The following EP400 variants were observed in gnomAD, a reference collection of about 807,000 sequenced individuals.
EP400 encodes E1A-binding protein p400.
Under a neutral mutation model 354.1 loss-of-function variants are expected in EP400, and 105 were observed. That is an observed-to-expected ratio of 0.30 (90% CI 0.25 to 0.35). EP400 has a LOEUF of 0.35. EP400 is among the 10% of genes least tolerant of loss of function. The pLI, the probability that EP400 is intolerant of heterozygous loss-of-function variation, is 1.00. For synonymous variants in EP400, 1,646 were observed against 1,716.9 expected, an observed-to-expected ratio of 0.96 and a Z score of 1.02; for missense variants, 3,280 against 4,121.0, an observed-to-expected ratio of 0.80 and a Z score of 5.59.
At position 132,013,702 on chromosome 12, in the gene EP400, CATGCGT is replaced by C. The variant is rs1893835081; in HGVS notation, c.3786+43_3786+48del. 1.9e-6 allele frequency: 3 copies of C among 1,604,274 alleles called. No homozygotes were observed. In the Admixed American group the frequency reaches 5.1e-5, roughly 27 times the overall value. On this transcript the variant is annotated intron_variant, in intron 18 of 52. Transcript: ENST00000389561. The surrounding 1 kb of genome is among the most constrained non-coding windows in gnomAD (Gnocchi z 4.5). Reference sequence around the variant, plus strand: ...CTGCCATTTCAGTTAATTAATTAAACATGCGTATGCCTTGTTATAAACGTGTTACAG... The same window carrying C: ...CTGCCATTTCAGTTAATTAATTAAACATGCCTTGTTATAAACGTGTTACAG...
At chr12:132,058,450 G>T (rs1895587000) in intron 45 of EP400, among the ~76,000 whole-genome samples, 1 of 151,760 alleles carries the variant, frequency 6.6e-6, no homozygotes, top group South Asian at 2.1e-4. Context: ...CGCCTCCTGG[G>T]TTCAGGTTAT....
chr12:132,065,096 C>A, intron 48 of EP400: 1 of 883,134 alleles, frequency 1.1e-6, no homozygotes, highest in Non-Finnish European at 1.7e-6. Context: ...CCCATCCAGG[C>A]ATCACCAAGC....
rs1382999583 is a variant in EP400, at chr12:132,044,189, A to G, written c.6463A>G (p.Thr2155Ala). 6.2e-7 allele frequency: 1 copy of G among 1,614,204 alleles called. No homozygotes were observed. Among genetic ancestry groups the G allele is most frequent in the South Asian group, 1.1e-5 (1 of 91,088 alleles). ...CTCTCCCCGTCAGGACGCAGTGATG[A>G]CTGCAGTGAGGGCATGGGAGTTCTG... Reference protein sequence around the residue: ...KERNSEDAVMTAVRAWEFWNL... With the variant: ...KERNSEDAVMAAVRAWEFWNL... Residue 2155 changes from threonine (T) to alanine (A), a missense_variant, in exon 35 of 53, where the codon ACT becomes GCT. Coordinates refer to ENST00000389561, the MANE Select transcript of EP400 (RefSeq NM_015409.5).
At position 132,070,309 on chromosome 12, in the gene EP400, T is replaced by C. The variant is rs1896030060; in HGVS notation, c.9021+668T>C. On this transcript the variant is annotated intron_variant, in intron 51 of 52. Coordinates refer to ENST00000389561, the MANE Select transcript of EP400 (RefSeq NM_015409.5). The surrounding 1 kb of genome is among the most constrained non-coding windows in gnomAD (Gnocchi z 4.1). ...TTTGGGTCTGAGATAGAAACAGGAA[T>C]TCAATTTGATGTGCTCTATGAATAC... Among the ~76,000 whole-genome samples, 1 of 152,244 alleles carries C rather than the reference T, an allele frequency of 6.6e-6. No homozygotes were observed. Among genetic ancestry groups the C allele is most frequent in the Admixed American group, 6.5e-5 (1 of 15,282 alleles).
chr12:132,034,260 G>A (rs1894618032), intron 30 of EP400, among the ~76,000 whole-genome samples: 1 of 152,188 alleles, frequency 6.6e-6, no homozygotes, highest in African/African-American at 2.4e-5. Context: ...TCTCAGGCAT[G>A]GCCTTAGCGG....
intron 6 of EP400, among the ~76,000 whole-genome samples, chr12:131,987,212 T>G (rs1273813379): frequency 2.0e-5 from 3 of 152,220 alleles, no homozygotes; most frequent in Non-Finnish European, 4.4e-5. Context: ...GACTAAGCAT[T>G]TATTTTGTTC....
chr12:131,990,193 CT>C lies in EP400; in HGVS notation c.2550+91del. The stretch of plus-strand genomic sequence containing the variant: ...CCGAGACCAGAGCTCGGGCACCTTG[CT>C]TAGGAAGCTTTCGAGCACCAGAGTC... On this transcript the variant is annotated intron_variant, in intron 8 of 52. Transcript: ENST00000389561. The surrounding 1 kb of genome is among the most constrained non-coding windows in gnomAD (Gnocchi z 4.2). The C allele has an allele frequency of 6.7e-7, 1 of 1,482,648 alleles. No homozygotes were observed. Among genetic ancestry groups the C allele is most frequent in the Non-Finnish European group, 9.0e-7 (1 of 1,107,038 alleles). 91.8% of individuals were successfully genotyped at this position (1,482,648 alleles called of 1,614,324 possible).
intron 2 of EP400, chr12:131,963,683 T>A: frequency 6.7e-7 from 1 of 1,501,966 alleles, no homozygotes; most frequent in Non-Finnish European, 9.1e-7. Flanking sequence ...CATCCCAAAC[T>A]TTTCCTTCAT....
intron 5 of EP400, among the ~76,000 whole-genome samples, chr12:131,985,765 T>C (rs546919799): frequency 6.0e-4 from 91 of 152,216 alleles, no homozygotes; most frequent in African/African-American, 2.1e-3. Context: ...TGTGCCACCA[T>C]GCCCGGCTAA....
intron 1 of EP400, among the ~76,000 whole-genome samples, chr12:131,957,512 T>C (rs906010398): frequency 6.6e-6 from 1 of 150,656 alleles, no homozygotes; most frequent in African/African-American, 2.4e-5. Context: ...AACGTTTTGA[T>C]TTTTCTTTCT....
Position 132,013,381 on chromosome 12 carries a change from T to G in EP400, c.3612-109T>G. ...TTTTCAGGCATGTGCACGTTGACAT[T>G]TGCGGTGTCAAATTACTGTCCCTTT... On this transcript the variant is annotated intron_variant, in intron 17 of 52. Coordinates refer to ENST00000389561, the MANE Select transcript of EP400 (RefSeq NM_015409.5). This position sits in a 1 kb window ranked among gnomAD's most constrained non-coding sequence, Gnocchi z 4.5. The G allele has an allele frequency of 7.0e-7, 1 of 1,432,196 alleles. No individual in the cohort carries two copies. The highest frequency in any genetic ancestry group is 2.3e-5 in the East Asian group (1 of 43,458). The allele number at this position is 1,432,196 out of a possible 1,614,324, so 88.7% of individuals were successfully genotyped here. A position where few individuals can be genotyped will look rare whatever the true frequency, so the allele number is the denominator to read the frequency against.
chr12:132,052,498 G>T lies in EP400; in HGVS notation c.7395-648G>T, dbSNP rs368866277. ...TGCCCTCGTGAGATGTTTTCAGAGC[G>T]CACTGTTGAGAATTGCAGCCCCGCC... is the stretch of plus-strand genomic sequence containing the variant. On this transcript the variant is annotated intron_variant, in intron 41 of 52. Coordinates refer to ENST00000389561, the MANE Select transcript of EP400 (RefSeq NM_015409.5). This position sits in a 1 kb window ranked among gnomAD's most constrained non-coding sequence, Gnocchi z 4.4. Among the ~76,000 whole-genome samples the T allele has an allele frequency of 6.6e-6, 1 of 152,192 alleles. No homozygotes were observed. Among genetic ancestry groups the T allele is most frequent in the Non-Finnish European group, 1.5e-5 (1 of 68,040 alleles).
chr12:132,015,445 A>T (rs1421037422), intron 19 of EP400, among the ~76,000 whole-genome samples: 1 of 152,238 alleles, frequency 6.6e-6, no homozygotes, highest in Non-Finnish European at 1.5e-5. Flanking sequence ...TCATAACTTT[A>T]TGCAGGTTTT....
intron 4 of EP400, among the ~76,000 whole-genome samples, 185 bp from the exon 5 acceptor site, chr12:131,981,908 T>C (rs866541800): frequency 2.0e-5 from 3 of 152,200 alleles, no homozygotes; most frequent in Non-Finnish European, 2.9e-5. Flanking sequence ...TTTTGCTTGA[T>C]GCTGACTTGC....
chr12:131,956,039 C>G (rs1265882075), intron 1 of EP400, among the ~76,000 whole-genome samples: 1 of 152,208 alleles, frequency 6.6e-6, no homozygotes, highest in Admixed American at 6.6e-5. Flanking sequence ...TTTCCTCATG[C>G]ATCTCTCTAG....
Position 132,021,476 on chromosome 12 carries a change from G to A in EP400, c.4690+155G>A, listed in dbSNP as rs138455210. On this transcript the variant is annotated intron_variant, in intron 23 of 52. Coordinates refer to ENST00000389561, the MANE Select transcript of EP400 (RefSeq NM_015409.5). The stretch of plus-strand genomic sequence containing the variant: ...GCCTCTCACCAGTGCAGCTGCCTCC[G>A]GCATGAGTCTAGCAGGGAGCGCCTC... Among the ~76,000 whole-genome samples, 181 of 152,370 alleles carry A rather than the reference G, an allele frequency of 1.2e-3. 1 individual carries two copies. The highest frequency in any genetic ancestry group is 4.1e-3 in the African/African-American group (172 of 41,582).
At chr12:132,071,033 T>G (rs1896050964) in intron 51 of EP400, among the ~76,000 whole-genome samples, 1 of 152,242 alleles carries the variant, frequency 6.6e-6, no homozygotes, top group South Asian at 2.1e-4. Context: ...AACCCTTGCT[T>G]TCTCCTGCCT....
chr12:131,951,903 A>G (rs1254739023), intron 1 of EP400, among the ~76,000 whole-genome samples: 2 of 151,054 alleles, frequency 1.3e-5, no homozygotes, highest in Non-Finnish European at 2.9e-5. Flanking sequence ...CAGCTTCCCA[A>G]GTAGCTGGGA....
chr12:132,058,583 C>G (rs1248634426), intron 45 of EP400, among the ~76,000 whole-genome samples: 1 of 152,070 alleles, frequency 6.6e-6, no homozygotes, highest in African/African-American at 2.4e-5. Context: ...AACTCCTGAT[C>G]TCGTGATCCA....
Sources: allele counts gnomAD v4.1 joint callset (sites outside exome capture counted in the v4.1 genomes callset), GRCh38; gene constraint gnomAD v4.1.1; non-coding constraint Gnocchi (gnomAD v3.1); transcripts MANE v1.5; gene names NCBI Gene and HGNC (gene_info 2026-07-23, HGNC 2026-07-21).